PGCKA1: variants seen among roughly 807,000 people sequenced by gnomAD.
PGCKA1 encodes PDCD10 and GCKIII kinases-associated protein 1.
chr4:37,502,920 G>A, the PGCKA1 span, among the ~76,000 whole-genome samples: 3 of 152,086 alleles, frequency 2.0e-5, no homozygotes, highest in African/African-American at 7.2e-5. Context: ...GATTGCTGAG[G>A]TCGGACTGGC....
chr4:37,567,863 G>T, the PGCKA1 span, among the ~76,000 whole-genome samples: 1 of 151,976 alleles, frequency 6.6e-6, no homozygotes, highest in Non-Finnish European at 1.5e-5. Context: ...ACTAGATGGG[G>T]GGAAAAAATA....
chr4:37,520,343 T>C, the PGCKA1 span, among the ~76,000 whole-genome samples: 5 of 152,230 alleles, frequency 3.3e-5, no homozygotes, highest in African/African-American at 1.2e-4. Flanking sequence ...TTAGTTCTTC[T>C]TTAAACATTT....
At chr4:37,511,323 C>G in the PGCKA1 span, among the ~76,000 whole-genome samples, 2 of 152,138 alleles carry the variant, frequency 1.3e-5, no homozygotes, top group Admixed American at 1.3e-4. Context: ...ACACCTGATA[C>G]CAGTATGTCT....
the PGCKA1 span, among the ~76,000 whole-genome samples, chr4:37,578,245 A>G: frequency 6.6e-6 from 1 of 152,206 alleles, no homozygotes; most frequent in Non-Finnish European, 1.5e-5. Flanking sequence ...GGGCGCATAT[A>G]TATTTACAAT....
At chr4:37,529,293 T>A in the PGCKA1 span, among the ~76,000 whole-genome samples, 5 of 152,244 alleles carry the variant, frequency 3.3e-5, no homozygotes, top group African/African-American at 1.2e-4. Context: ...TACATCTAGG[T>A]ACTTCAAATT....
chr4:37,475,307 C>T, the PGCKA1 span, among the ~76,000 whole-genome samples: 2 of 152,030 alleles, frequency 1.3e-5, no homozygotes, highest in African/African-American at 4.8e-5. Flanking sequence ...TCCTGTGGAG[C>T]ACTTCAACCC....
chr4:37,464,130 G>GAAACTT, the PGCKA1 span, among the ~76,000 whole-genome samples: 6 of 152,180 alleles, frequency 3.9e-5, no homozygotes, highest in Non-Finnish European at 8.8e-5. Context: ...TTCAGTTTAA[G>GAAACTT]TGAGCCCTTT....
the PGCKA1 span, among the ~76,000 whole-genome samples, chr4:37,540,326 G>T: frequency 6.6e-6 from 1 of 152,182 alleles, no homozygotes; most frequent in Admixed American, 6.5e-5. Flanking sequence ...CCAGATCTGA[G>T]CAGAGCGAGT....
the PGCKA1 span, among the ~76,000 whole-genome samples, chr4:37,537,347 T>G: frequency 6.6e-6 from 1 of 152,206 alleles, no homozygotes; most frequent in African/African-American, 2.4e-5. Context: ...CCTGGATGAT[T>G]CTTTGTGCTT....
At chr4:37,457,056 A>G in the PGCKA1 span, among the ~76,000 whole-genome samples, 3 of 152,332 alleles carry the variant, frequency 2.0e-5, no homozygotes, top group African/African-American at 7.2e-5. Context: ...TAGTTCCTCT[A>G]GAGCTCCTCA....
chr4:37,559,823 A>G, the PGCKA1 span, among the ~76,000 whole-genome samples: 9 of 151,994 alleles, frequency 5.9e-5, no homozygotes, highest in African/African-American at 7.3e-5. Flanking sequence ...ATAATCTTCT[A>G]TATATTTTTA....
the PGCKA1 span, among the ~76,000 whole-genome samples, chr4:37,558,550 TA>T: frequency 2.0e-4 from 31 of 151,918 alleles, no homozygotes; most frequent in Non-Finnish European, 4.3e-4. Context: ...ACTTCATGTC[TA>T]AAACACCAAA....
At chr4:37,476,989 G>T in the PGCKA1 span, among the ~76,000 whole-genome samples, 1 of 152,048 alleles carries the variant, frequency 6.6e-6, no homozygotes, top group South Asian at 2.1e-4. Context: ...AAACAGTCTT[G>T]CAATTCCTTA....
the PGCKA1 span, among the ~76,000 whole-genome samples, chr4:37,542,621 T>C: frequency 6.6e-6 from 1 of 152,204 alleles, no homozygotes; most frequent in South Asian, 2.1e-4. Flanking sequence ...TAGCCACATG[T>C]GGCTTTTGAG....
At chr4:37,580,063 C>A in the PGCKA1 span, among the ~76,000 whole-genome samples, 2 of 152,096 alleles carry the variant, frequency 1.3e-5, no homozygotes, top group Admixed American at 1.3e-4. Flanking sequence ...TGTTAAGAGA[C>A]TCTGATGCAT....
At chr4:37,539,043 C>T in the PGCKA1 span, among the ~76,000 whole-genome samples, 1 of 152,122 alleles carries the variant, frequency 6.6e-6, no homozygotes, top group Non-Finnish European at 1.5e-5. Context: ...AGCACTCGCA[C>T]CTGAATGTGT....
the PGCKA1 span, among the ~76,000 whole-genome samples, chr4:37,523,292 T>A: frequency 6.6e-6 from 1 of 152,268 alleles, no homozygotes; most frequent in East Asian, 1.9e-4. Context: ...CTCACAGTTG[T>A]TGTGTTCTCC....
chr4:37,546,850 A>C, the PGCKA1 span, among the ~76,000 whole-genome samples: 8 of 152,256 alleles, frequency 5.3e-5, no homozygotes, highest in African/African-American at 1.9e-4. Flanking sequence ...CCACAGCAGC[A>C]CGTAGCAGGC....
the PGCKA1 span, among the ~76,000 whole-genome samples, chr4:37,501,360 A>G: frequency 6.6e-6 from 1 of 152,098 alleles, no homozygotes; most frequent in Non-Finnish European, 1.5e-5. Context: ...GATTCTCATA[A>G]GAGTGTGAAC....
Sources: gnomAD v4.1 joint callset for allele counts (sites outside exome capture counted in the v4.1 genomes callset) on GRCh38, gnomAD v4.1.1 for gene constraint, MANE v1.5 for transcripts, NCBI Gene and HGNC (gene_info 2026-07-23, HGNC 2026-07-21) for gene names.